VSIG1: variants seen among roughly 807,000 people sequenced by gnomAD.
VSIG1 encodes the protein V-set and immunoglobulin domain-containing protein 1.
Under a neutral mutation model 20.1 loss-of-function variants are expected in VSIG1, and 11 were observed. The ratio of observed to expected loss-of-function variants is 0.55; its 90% CI spans 0.34 to 0.91. VSIG1 has a LOEUF of 0.91. VSIG1 is among the 40% of genes least tolerant of loss of function. VSIG1 has a pLI of 0.02. For missense variants in VSIG1, 283 were observed against 298.8 expected (o/e 0.95, Z 0.39); for synonymous variants, 126 against 116.7 (o/e 1.08, Z -0.52).
chrX:108,032,543 G>A, the VSIG1 span, among the ~76,000 whole-genome samples: 4 of 111,532 alleles, frequency 3.6e-5, no homozygotes, highest in Admixed American at 1.9e-4. Context: ...ATAAAAGTAG[G>A]GCAAGGAGTT....
chrX:108,061,306 G>T, intron 2 of VSIG1: 1 of 476,102 alleles, frequency 2.1e-6, no homozygotes. Context: ...TGATTTATGG[G>T]ACTAAGATGT....
At chrX:108,020,442 A>G in the VSIG1 span, among the ~76,000 whole-genome samples, 1 of 111,896 alleles carries the variant, frequency 8.9e-6, no homozygotes, top group African/African-American at 3.3e-5. Flanking sequence ...TTTCCTTAAA[A>G]CTACTGTTTT....
chrX:108,045,605 G>T (rs2030555750), intron 1 of VSIG1, among the ~76,000 whole-genome samples: 1 of 112,292 alleles, frequency 8.9e-6, no homozygotes, highest in South Asian at 3.7e-4. Context: ...CTTACATATG[G>T]GAAGAACAGA....
At chrX:108,072,323 G>A (rs1433363455) in intron 3 of VSIG1, among the ~76,000 whole-genome samples, 1 of 111,050 alleles carries the variant, frequency 9.0e-6, no homozygotes, top group Non-Finnish European at 1.9e-5. Flanking sequence ...CGTGATCTTG[G>A]CTTACTGCAA....
chrX:108,077,199 C>T lies in VSIG1; in HGVS notation c.982C>T (p.Pro328Ser). 8.3e-7 allele frequency: 1 copy of T among 1,211,939 alleles called. No homozygotes were observed. Among genetic ancestry groups the T allele is most frequent in the Non-Finnish European group, 1.1e-6 (1 of 895,574 alleles). Residue 328 changes from proline to serine, a missense_variant, in exon 7 of 7, where the codon CCT becomes TCT. By Grantham distance (74) the Pro-to-Ser change is moderately conservative. Transcript: ENST00000217957. ...CTATGAGCCAAAGCCTACTCAGGAG[C>T]CTGCCCCAGAGCCTGCCCCAGGATC... The part of the protein sequence containing the change: ...PDYEPKPTQE[P>S]APEPAPGSEP...
rs1569287344 is a variant in VSIG1 at position 108,047,939 on chromosome X, T to TATATATATATACAC, written c.49+2771_49+2772insCACATATATATATA. On this transcript the variant is annotated intron_variant, in intron 1 of 6. Transcript: ENST00000217957. ...ATATACACATATATATATATACACATATATATATATATATACACACACATA... is the reference window on the plus strand; with the variant it reads ...ATATACACATATATATATATACACATATATATATATACACATATATATATATATACACACACATA... Among the ~76,000 whole-genome samples, 151 of 17,020 alleles carry TATATATATATACAC rather than the reference T, an allele frequency of 8.9e-3. 7 individuals are homozygous for TATATATATATACAC. Among genetic ancestry groups the TATATATATATACAC allele is most frequent in the Non-Finnish European group, 0.011 (115 of 10,861 alleles). 14.8% of individuals were successfully genotyped at this position (17,020 alleles called of 115,157 possible).
intron 2 of VSIG1, chrX:108,061,364 T>C (rs1176810207): frequency 1.0e-5 from 9 of 862,424 alleles, no homozygotes; most frequent in Non-Finnish European, 1.3e-5. Context: ...AACTCCTGGG[T>C]TGATGTGGCA....
At chrX:108,070,894 G>T (rs183935858) in intron 3 of VSIG1, among the ~76,000 whole-genome samples, 11 of 112,400 alleles carry the variant, frequency 9.8e-5, no homozygotes, top group Non-Finnish European at 2.1e-4. Flanking sequence ...TACAGATAGT[G>T]AGAGTCTGGG....
upstream of VSIG1, among the ~76,000 whole-genome samples, chrX:108,042,886 G>C (rs966594045): frequency 1.8e-5 from 2 of 112,015 alleles, no homozygotes; most frequent in Non-Finnish European, 3.8e-5. Flanking sequence ...AGCACAAACA[G>C]GTTGGAGAAT....
At chrX:108,027,821 G>C in the VSIG1 span, among the ~76,000 whole-genome samples, 34 of 110,868 alleles carry the variant, frequency 3.1e-4, no homozygotes, top group African/African-American at 1.1e-3. Flanking sequence ...TAGATGAAAA[G>C]GTGATCCCAA....
At chrX:108,050,739 A>T (rs997074067) in intron 1 of VSIG1, among the ~76,000 whole-genome samples, 2 of 111,512 alleles carry the variant, frequency 1.8e-5, no homozygotes, top group African/African-American at 6.5e-5. Context: ...GGACAATTTT[A>T]CACTCTTAAA....
chrX:108,040,249 A>G (rs190529273), upstream of VSIG1, among the ~76,000 whole-genome samples: 1 of 111,933 alleles, frequency 8.9e-6, no homozygotes, highest in Admixed American at 9.5e-5. Flanking sequence ...AATACCAGTT[A>G]GGCCAGTAAA....
upstream of VSIG1, among the ~76,000 whole-genome samples, chrX:108,042,096 T>G (rs1376666514): frequency 8.9e-6 from 1 of 112,236 alleles, no homozygotes; most frequent in Non-Finnish European, 1.9e-5. Context: ...TGACCCACTT[T>G]TTAAGCAATA....
the VSIG1 span, among the ~76,000 whole-genome samples, chrX:108,039,269 A>C: frequency 8.9e-6 from 1 of 112,134 alleles, no homozygotes; most frequent in Non-Finnish European, 1.9e-5. Context: ...TGCAACCTCC[A>C]ATTCCCGGAT....
chrX:108,036,436 A>C, the VSIG1 span, among the ~76,000 whole-genome samples: 1 of 110,812 alleles, frequency 9.0e-6, no homozygotes, highest in Non-Finnish European at 1.9e-5. Context: ...CGTCAACACA[A>C]ATTGCTTAGG....
chrX:108,076,269 T>G (rs920339271), intron 6 of VSIG1, 51 bp downstream of exon 6: 56 of 1,170,431 alleles, frequency 4.8e-5, no homozygotes, highest in Non-Finnish European at 6.2e-5. Flanking sequence ...TTCTCAGGCA[T>G]GTCTTTTTCA....
chrX:108,047,961 C>CACATATATATAT (rs2030681207), intron 1 of VSIG1, among the ~76,000 whole-genome samples: 1 of 19,940 alleles, frequency 5.0e-5, no homozygotes, highest in Non-Finnish European at 7.6e-5. Flanking sequence ...TATACACACA[C>CACATATATATAT]ATATATATAT....
In VSIG1 at chrX:108,058,140, C is replaced by T. The variant is rs770558175; in HGVS notation, c.152C>T (p.Ser51Phe). Residue 51 changes from serine (S) to phenylalanine (F), a missense_variant, in exon 2 of 7, where the codon TCC becomes TTC. Transcript: ENST00000217957. ...TGCATCTACACCACCACTGTGGCCT[C>T]CCGAGAACAGCTTTCCATCCAGTGG... ...LICIYTTTVA[S>F]REQLSIQWSF... The T allele has an allele frequency of 1.7e-6, 2 of 1,209,250 alleles. No individual in the cohort carries two copies. The highest frequency in any genetic ancestry group is 1.8e-5 in the South Asian group (1 of 56,660).
upstream of VSIG1, among the ~76,000 whole-genome samples, chrX:108,041,431 G>A (rs1166033308): frequency 9.0e-6 from 1 of 111,680 alleles, no homozygotes; most frequent in African/African-American, 3.3e-5. Context: ...GGACAAGGTT[G>A]ATCTATAGAT....
Sources: allele counts gnomAD v4.1 joint callset (sites outside exome capture counted in the v4.1 genomes callset), GRCh38; gene constraint gnomAD v4.1.1; transcripts MANE v1.5; gene names NCBI Gene and HGNC (gene_info 2026-07-23, HGNC 2026-07-21).